ALKBH1: variants seen among roughly 807,000 people sequenced by gnomAD.
ALKBH1 encodes alkB homolog 1, histone H2A dioxygenase, also known as nucleic acid dioxygenase ALKBH1.
In ALKBH1, 31 loss-of-function variants were observed where a neutral mutation model predicts 36.6. That is an observed-to-expected ratio of 0.85 (90% CI 0.64 to 1.14). ALKBH1 has a LOEUF of 1.14. Among genes scored for constraint, ALKBH1 ranks in the 50% most tolerant of loss-of-function variants. The pLI, the probability that ALKBH1 is intolerant of heterozygous loss-of-function variation, is 0.00. For synonymous variants in ALKBH1, 183 were observed against 186.6 expected (o/e 0.98, Z 0.16); for missense variants, 490 against 497.3 (o/e 0.99, Z 0.14).
intron 3 of ALKBH1, among the ~76,000 whole-genome samples, chr14:77,690,175 A>C (rs2080289691): frequency 6.7e-6 from 1 of 148,614 alleles, no homozygotes; most frequent in Middle Eastern, 3.2e-3. Context: ...CAGCCTGTAC[A>C]AAAAAAAAAA....
intron 3 of ALKBH1, among the ~76,000 whole-genome samples, chr14:77,692,923 T>G (rs543549891): frequency 1.1e-3 from 168 of 151,626 alleles, no homozygotes; most frequent in Middle Eastern, 6.8e-3. Flanking sequence ...AAAATTTTTT[T>G]GGGGCCGGGA....
chr14:77,680,517 T>C (rs952121953), intron 3 of ALKBH1, among the ~76,000 whole-genome samples: 4 of 152,180 alleles, frequency 2.6e-5, no homozygotes, highest in African/African-American at 9.7e-5. Flanking sequence ...CTGTATAACA[T>C]AGCTTAGATA....
intron 2 of ALKBH1, among the ~76,000 whole-genome samples, chr14:77,701,721 A>G (rs139451970): frequency 2.0e-5 from 3 of 152,348 alleles, no homozygotes; most frequent in Non-Finnish European, 4.4e-5. Context: ...TATTTTGGAC[A>G]TTATATTTCT....
chr14:77,686,909 A>C (rs890730027), intron 3 of ALKBH1, among the ~76,000 whole-genome samples: 3 of 152,234 alleles, frequency 2.0e-5, no homozygotes, highest in Non-Finnish European at 4.4e-5. Context: ...GGCGTAAGCC[A>C]CTGTGCCTGG....
chr14:77,683,341 G>A, intron 3 of ALKBH1: 1 of 739,406 alleles, frequency 1.4e-6, no homozygotes, highest in Admixed American at 1.9e-5. Context: ...TTCTTTTTCT[G>A]ATCATTTTAC....
rs771274995 is a variant in ALKBH1 at position 77,675,835 on chromosome 14, A to G, written c.561T>C (p.Asp187=). ...YNWDSKKYSA[D]HYTPFPSDLG... ...GGTCAGAAGGGAAAGGTGTGTAATG[A>G]TCTGCTGAGTATTTCTTTGGTAAAT... Residue 187 remains aspartate (D), a synonymous_variant, in exon 5 of 6, where the codon GAT becomes GAC. Coordinates refer to ENST00000216489, the MANE Select transcript of ALKBH1 (RefSeq NM_006020.3). The G allele has an allele frequency of 6.2e-7, 1 of 1,613,256 alleles. No homozygotes were observed. Among genetic ancestry groups the G allele is most frequent in the East Asian group, 2.2e-5 (1 of 44,870 alleles).
At chr14:77,689,292 T>C (rs770269995) in intron 3 of ALKBH1, among the ~76,000 whole-genome samples, 1 of 152,222 alleles carries the variant, frequency 6.6e-6, no homozygotes, top group Non-Finnish European at 1.5e-5. Flanking sequence ...TATTCAAGTA[T>C]ACATGCTTTG....
chr14:77,681,624 T>C (rs7143265), intron 3 of ALKBH1, among the ~76,000 whole-genome samples: 15,783 of 152,220 alleles, frequency 0.1, 963 homozygotes, highest in African/African-American at 0.15. Context: ...AGAAGAGACA[T>C]AGCAGACTTG....
At chr14:77,691,918 CGAA>C (rs1233082442) in intron 3 of ALKBH1, 2 of 152,108 alleles carry the variant, frequency 1.3e-5, no homozygotes, top group African/African-American at 4.8e-5. Context: ...CTCTCAGTTG[CGAA>C]GAAGACACTA....
At chr14:77,690,751 G>A (rs2080292445) in intron 3 of ALKBH1, among the ~76,000 whole-genome samples, 1 of 147,910 alleles carries the variant, frequency 6.8e-6, no homozygotes, top group African/African-American at 2.6e-5. Flanking sequence ...AGGCTGTTTT[G>A]CATTTTTTTT....
At position 77,679,860 on chromosome 14, in the gene ALKBH1, A is replaced by C. The variant is rs1464087575; in HGVS notation, c.546+20T>G. Reference sequence around the variant, plus strand: ...GAAGCCTATAAACAGAAAACAAAAGAATTAAGAAAACCTGAATACCTTACT... The same window carrying C: ...GAAGCCTATAAACAGAAAACAAAAGCATTAAGAAAACCTGAATACCTTACT... On this transcript the variant is annotated intron_variant, in intron 4 of 5. Transcript: ENST00000216489. The C allele has an allele frequency of 6.3e-7, 1 of 1,597,624 alleles. No homozygotes were observed. The highest frequency in any genetic ancestry group is 1.3e-5 in the African/African-American group (1 of 74,496).
At chr14:77,700,537 T>G (rs1348724055) in intron 2 of ALKBH1, among the ~76,000 whole-genome samples, 1 of 152,186 alleles carries the variant, frequency 6.6e-6, no homozygotes, top group Non-Finnish European at 1.5e-5. Context: ...GTTTCATTTA[T>G]CAGTAAAATT....
chr14:77,697,235 T>C (rs1223929455), intron 2 of ALKBH1: 1 of 155,354 alleles, frequency 6.4e-6, no homozygotes, highest in African/African-American at 2.4e-5. Flanking sequence ...GATTGAGAAG[T>C]AGCTCCAGGA....
chr14:77,696,826 A>G (rs993851654), intron 2 of ALKBH1: 1 of 152,738 alleles, frequency 6.5e-6, no homozygotes, highest in South Asian at 2.1e-4. Context: ...CTGAGGTCCA[A>G]ATGGAAGTAG....
At chr14:77,681,459 C>T (rs1421247953) in intron 3 of ALKBH1, among the ~76,000 whole-genome samples, 1 of 152,192 alleles carries the variant, frequency 6.6e-6, no homozygotes, top group African/African-American at 2.4e-5. Flanking sequence ...TGTTCAGTGG[C>T]ACTCATCTTG....
chr14:77,686,865 AC>A (rs1486620785), intron 3 of ALKBH1, among the ~76,000 whole-genome samples: 2 of 152,002 alleles, frequency 1.3e-5, no homozygotes, highest in Admixed American at 1.3e-4. Flanking sequence ...CTTGTGATCC[AC>A]CCGCCTTTGC....
Position 77,697,731 on chromosome 14 carries a change from G to A in ALKBH1, c.293-2831C>T, listed in dbSNP as rs554200975. Among the ~76,000 whole-genome samples the A allele has an allele frequency of 9.6e-4, 144 of 150,656 alleles. 2 individuals are homozygous for A. Among genetic ancestry groups the A allele is most frequent in the Non-Finnish European group, 1.1e-3 (75 of 67,688 alleles). On this transcript the variant is annotated intron_variant, in intron 2 of 5. Coordinates refer to ENST00000216489, the MANE Select transcript of ALKBH1 (RefSeq NM_006020.3). ...AAAAAAAAAAAAAGAATTAGAAGCC[G>A]GGCATGGTGGCCTGGCCGATGCCTG...
intron 2 of ALKBH1, 50 bp from the exon 3 acceptor site, chr14:77,694,950 A>G (rs1405233303): frequency 7.2e-7 from 1 of 1,386,184 alleles, no homozygotes; most frequent in Admixed American, 2.9e-5. Flanking sequence ...ATTCTCCATC[A>G]GTTATTCAAA....
chr14:77,674,378 T>A, intron 5 of ALKBH1, 137 bp from the exon 6 acceptor site: 1 of 1,021,078 alleles, frequency 9.8e-7, no homozygotes, highest in Non-Finnish European at 1.4e-6. Flanking sequence ...TCCTCCTTTT[T>A]AAACTGTGCT....
Sources: allele counts gnomAD v4.1 joint callset (sites outside exome capture counted in the v4.1 genomes callset), GRCh38; gene constraint gnomAD v4.1.1; transcripts MANE v1.5; gene names NCBI Gene and HGNC (gene_info 2026-07-23, HGNC 2026-07-21).